The following CDH13 variants were observed in gnomAD, a reference collection of about 807,000 sequenced individuals.
CDH13 encodes cadherin 13, also known as cadherin-13.
CDH13 carries 24 observed loss-of-function variants against 63.8 expected under a neutral mutation model. That is an observed-to-expected ratio of 0.38 (90% CI 0.27 to 0.53). The LOEUF is 0.53. CDH13 is among the 20% of genes least tolerant of loss of function. CDH13 has a pLI of 0.85. For missense variants in CDH13, 1,049 were observed against 903.1 expected (o/e 1.16, Z -2.07); for synonymous variants, 503 against 355.3 (o/e 1.42, Z -4.67).
At chr16:82,795,529 A>G (rs1026909314) in intron 1 of CDH13, among the ~76,000 whole-genome samples, 2 of 152,112 alleles carry the variant, frequency 1.3e-5, no homozygotes, top group African/African-American at 4.8e-5. Flanking sequence ...ACATTATTTT[A>G]TGGAATGCTC....
At chr16:83,338,994 A>C (rs940237358) in intron 5 of CDH13, among the ~76,000 whole-genome samples, 1 of 152,214 alleles carries the variant, frequency 6.6e-6, no homozygotes, top group African/African-American at 2.4e-5. Flanking sequence ...GACACCCTGG[A>C]AGCCCTATAG....
intron 8 of CDH13, among the ~76,000 whole-genome samples, chr16:83,627,956 C>T (rs1363894547): frequency 6.6e-6 from 1 of 152,160 alleles, no homozygotes; most frequent in East Asian, 1.9e-4. Context: ...GCTTTTTAGA[C>T]CGTATAGGGT....
At chr16:83,404,626 T>G (rs535376786) in intron 6 of CDH13, among the ~76,000 whole-genome samples, 3 of 152,310 alleles carry the variant, frequency 2.0e-5, no homozygotes, top group African/African-American at 4.8e-5. Flanking sequence ...CACACACAAA[T>G]ACACACACCA....
At chr16:83,662,674 A>T (rs1197364718) in intron 8 of CDH13, among the ~76,000 whole-genome samples, 2 of 152,214 alleles carry the variant, frequency 1.3e-5, no homozygotes, top group African/African-American at 4.8e-5. Flanking sequence ...ACAAGATGTG[A>T]AAAAGAAAAA....
chr16:82,648,322 T>C (rs1910336892), intron 1 of CDH13, among the ~76,000 whole-genome samples: 1 of 152,244 alleles, frequency 6.6e-6, no homozygotes, highest in Admixed American at 6.5e-5. Flanking sequence ...ATATTGTATA[T>C]GTTTTATGCA....
At chr16:83,336,641 CT>C (rs2090604227) in intron 5 of CDH13, among the ~76,000 whole-genome samples, 1 of 152,176 alleles carries the variant, frequency 6.6e-6, no homozygotes, top group African/African-American at 2.4e-5. Flanking sequence ...ACTATATCAT[CT>C]CAAAAAAGCT....
intron 13 of CDH13, among the ~76,000 whole-genome samples, chr16:83,785,589 C>A (rs1221328887): frequency 6.6e-5 from 10 of 152,174 alleles, no homozygotes. Context: ...ACCTAGATTT[C>A]TAGAGTGTAG....
At chr16:82,897,279 TG>T (rs2041302678) in intron 2 of CDH13, among the ~76,000 whole-genome samples, 1 of 152,162 alleles carries the variant, frequency 6.6e-6, no homozygotes, top group Admixed American at 6.5e-5. Context: ...ACACAGCAGC[TG>T]GGGTAGCTGA....
intron 1 of CDH13, among the ~76,000 whole-genome samples, chr16:82,697,776 T>A (rs1229054487): frequency 6.9e-6 from 1 of 143,938 alleles, no homozygotes; most frequent in Non-Finnish European, 1.5e-5. Context: ...TGTGTGTGTG[T>A]GTGTGTGTGT....
intron 1 of CDH13, among the ~76,000 whole-genome samples, chr16:82,732,271 T>TA (rs775688892): frequency 1.2e-4 from 18 of 151,262 alleles, no homozygotes; most frequent in African/African-American, 3.2e-4. Context: ...AATTGTGATT[T>TA]AAAAAAAAAT....
At chr16:82,998,861 C>T (rs866210884) in intron 2 of CDH13, among the ~76,000 whole-genome samples, 1 of 118,374 alleles carries the variant, frequency 8.4e-6, no homozygotes, top group Admixed American at 8.0e-5. Flanking sequence ...TCCCCTTGAT[C>T]CTTTTTTTTT....
chr16:82,847,812 C>G (rs1283561507), intron 1 of CDH13, among the ~76,000 whole-genome samples: 1 of 152,146 alleles, frequency 6.6e-6, no homozygotes, highest in Non-Finnish European at 1.5e-5. Context: ...AGAGAAATCA[C>G]CACACAGCCA....
At chr16:83,166,349 G>C (rs1489891264) in intron 4 of CDH13, among the ~76,000 whole-genome samples, 1 of 152,092 alleles carries the variant, frequency 6.6e-6, no homozygotes, top group Non-Finnish European at 1.5e-5. Context: ...GCAGAAATGG[G>C]CTTTGAGGAC....
At chr16:83,051,318 T>A (rs1442567571) in intron 3 of CDH13, among the ~76,000 whole-genome samples, 1 of 152,178 alleles carries the variant, frequency 6.6e-6, no homozygotes, top group African/African-American at 2.4e-5. Flanking sequence ...TCCACATCTA[T>A]CTCTAAGGGA....
intron 6 of CDH13, among the ~76,000 whole-genome samples, chr16:83,469,345 G>A (rs997599162): frequency 1.3e-5 from 2 of 152,146 alleles, no homozygotes; most frequent in African/African-American, 2.4e-5. Flanking sequence ...CTCAGTGAAC[G>A]GGCAAGTTAT....
intron 1 of CDH13, among the ~76,000 whole-genome samples, chr16:82,765,348 GCCT>G (rs1343789727): frequency 6.6e-6 from 1 of 152,140 alleles, no homozygotes; most frequent in Non-Finnish European, 1.5e-5. Context: ...CTGGTGTAAA[GCCT>G]CCTCATCTTT....
intron 6 of CDH13, among the ~76,000 whole-genome samples, chr16:83,426,162 A>C (rs1387773878): frequency 6.6e-6 from 1 of 152,042 alleles, no homozygotes; most frequent in East Asian, 1.9e-4. Context: ...TCTGAAGCTC[A>C]TGCCATCTGA....
At chr16:82,844,290 A>G (rs1243509275) in intron 1 of CDH13, among the ~76,000 whole-genome samples, 1 of 152,160 alleles carries the variant, frequency 6.6e-6, no homozygotes, top group Non-Finnish European at 1.5e-5. Context: ...CTAGCTGGAG[A>G]AAACACATTC....
At chr16:82,754,835 A>G (rs2034552236) in intron 1 of CDH13, among the ~76,000 whole-genome samples, 1 of 152,164 alleles carries the variant, frequency 6.6e-6, no homozygotes, top group South Asian at 2.1e-4. Context: ...AACCTTAACT[A>G]GTGTTTGTCA....
Sources: gnomAD v4.1 joint callset for allele counts (sites outside exome capture counted in the v4.1 genomes callset) on GRCh38, gnomAD v4.1.1 for gene constraint, MANE v1.5 for transcripts, NCBI Gene and HGNC (gene_info 2026-07-23, HGNC 2026-07-21) for gene names.